The following CCSER1 variants were observed in gnomAD, a reference collection of about 807,000 sequenced individuals.
CCSER1 encodes serine-rich coiled-coil domain-containing protein 1.
Under a neutral mutation model 82.0 loss-of-function variants are expected in CCSER1, and 41 were observed. The observed-to-expected ratio is 0.50, with a 90% CI of 0.39 to 0.65. The LOEUF is 0.65. Among genes scored for constraint, CCSER1 ranks in the 30% least tolerant of loss-of-function variants. The pLI is 0.00. For synonymous variants in CCSER1, 414 were observed against 383.9 expected (o/e 1.08, Z -0.92); for missense variants, 1,119 against 1,064.2 (o/e 1.05, Z -0.72).
At chr4:91,105,987 G>A (rs1399748158) in intron 10 of CCSER1, among the ~76,000 whole-genome samples, 5 of 151,980 alleles carry the variant, frequency 3.3e-5, no homozygotes, top group Non-Finnish European at 7.4e-5. Context: ...TTTTTAAAAT[G>A]TGGTAAATGC....
intron 5 of CCSER1, among the ~76,000 whole-genome samples, chr4:90,483,659 T>C (rs146259008): frequency 6.6e-6 from 1 of 152,222 alleles, no homozygotes; most frequent in Non-Finnish European, 1.5e-5. Context: ...TATGAAATTC[T>C]GAGTTGAAAA....
At chr4:91,274,450 C>A (rs1218238357) in intron 10 of CCSER1, among the ~76,000 whole-genome samples, 1 of 152,130 alleles carries the variant, frequency 6.6e-6, no homozygotes, top group Non-Finnish European at 1.5e-5. Context: ...TATGTTTATA[C>A]CCATTAACCA....
chr4:90,447,353 G>T (rs1164104920), intron 4 of CCSER1, among the ~76,000 whole-genome samples: 1 of 151,290 alleles, frequency 6.6e-6, no homozygotes, highest in Non-Finnish European at 1.5e-5. Flanking sequence ...AAAAAAAAAA[G>T]AATGAAATTT....
At chr4:90,139,503 T>A (rs1724329881) in intron 1 of CCSER1, among the ~76,000 whole-genome samples, 1 of 152,336 alleles carries the variant, frequency 6.6e-6, no homozygotes, top group South Asian at 2.1e-4. Context: ...TCCTGTTTTA[T>A]TTTATTTTAT....
rs145453120 is a variant in CCSER1, at chr4:90,615,333, CGTT to C, written c.1725-12689_1725-12687del. Among the ~76,000 whole-genome samples the C allele has an allele frequency of 2.5e-3, 376 of 152,202 alleles. 12 individuals carry two copies. In the East Asian group the frequency reaches 0.057, roughly 23 times the overall value. ...CAAGTCTTCATATTTAAGAAATACA[CGTT>C]GTAAGGCTAGAGTTGCCAGAGAGAG... is the stretch of plus-strand genomic sequence containing the variant. On this transcript the variant is annotated intron_variant, in intron 5 of 10. Transcript: ENST00000509176.
In CCSER1 at chr4:90,127,692, C is replaced by G. The variant is rs1160116375; in HGVS notation, c.-181C>G. ...AATAACGCAGCTGGACTCTGTGCAACTGGGAGTGGAGAGGAGCCCAACAGC... is the reference window on the plus strand; with the variant it reads ...AATAACGCAGCTGGACTCTGTGCAAGTGGGAGTGGAGAGGAGCCCAACAGC... On this transcript the variant is annotated 5_prime_UTR_variant, in exon 1 of 11. Coordinates refer to ENST00000509176, the MANE Select transcript of CCSER1 (RefSeq NM_001145065.2). 1 of 153,114 alleles carries G rather than the reference C, an allele frequency of 6.5e-6. No homozygotes were observed. The highest frequency in any genetic ancestry group is 1.5e-5 in the Non-Finnish European group (1 of 68,796). The allele number at this position is 153,114 out of a possible 1,614,324, so 9.5% of individuals were successfully genotyped here. A position where few individuals can be genotyped will look rare whatever the true frequency, so the allele number is the denominator to read the frequency against.
chr4:90,635,231 A>T (rs1486740826), intron 6 of CCSER1, among the ~76,000 whole-genome samples: 3 of 151,784 alleles, frequency 2.0e-5, no homozygotes, highest in African/African-American at 7.2e-5. Context: ...ATTGACATTT[A>T]TAGAATACTA....
chr4:90,561,602 A>T (rs1280683276), intron 5 of CCSER1, among the ~76,000 whole-genome samples: 21 of 152,116 alleles, frequency 1.4e-4, no homozygotes, highest in Admixed American at 1.2e-3. Context: ...TTTTTCTCCC[A>T]TGCGGCTTAT....
intron 10 of CCSER1, among the ~76,000 whole-genome samples, chr4:91,515,575 A>G (rs779999874): frequency 2.0e-5 from 3 of 152,106 alleles, no homozygotes; most frequent in Non-Finnish European, 2.9e-5. Context: ...TGGTGTATAT[A>G]TACCACATTT....
intron 9 of CCSER1, among the ~76,000 whole-genome samples, chr4:90,967,462 A>G (rs1393968394): frequency 6.6e-6 from 1 of 151,932 alleles, no homozygotes; most frequent in Non-Finnish European, 1.5e-5. Flanking sequence ...GAAAAAAAAA[A>G]GTATTTTCAA....
chr4:90,852,242 A>G (rs1763973980), intron 8 of CCSER1, among the ~76,000 whole-genome samples: 2 of 152,354 alleles, frequency 1.3e-5, no homozygotes, highest in African/African-American at 2.4e-5. Flanking sequence ...TGAATAGCGT[A>G]TAATTATGGC....
intron 8 of CCSER1, among the ~76,000 whole-genome samples, chr4:90,845,377 A>C (rs1334034712): frequency 6.6e-6 from 1 of 151,824 alleles, no homozygotes; most frequent in African/African-American, 2.4e-5. Flanking sequence ...AAAAAAAAAA[A>C]AAAGAATATT....
At chr4:91,297,399 G>A (rs903205753) in intron 10 of CCSER1, among the ~76,000 whole-genome samples, 7 of 150,638 alleles carry the variant, frequency 4.6e-5, no homozygotes, top group African/African-American at 1.7e-4. Context: ...GTGTGTGTGT[G>A]TGTGTGTGTG....
chr4:91,520,381 G>T (rs1167633072), intron 10 of CCSER1, among the ~76,000 whole-genome samples: 1 of 150,168 alleles, frequency 6.7e-6, no homozygotes, highest in Admixed American at 6.6e-5. Context: ...CAGGGCAACT[G>T]GCCTGAGACA....
intron 10 of CCSER1, among the ~76,000 whole-genome samples, chr4:91,377,207 C>A (rs991271532): frequency 1.3e-5 from 2 of 152,170 alleles, no homozygotes; most frequent in African/African-American, 4.8e-5. Context: ...CCGCAATAAA[C>A]ATACATGTGC....
chr4:90,842,719 G>T (rs969479316), intron 8 of CCSER1, among the ~76,000 whole-genome samples: 2 of 152,196 alleles, frequency 1.3e-5, no homozygotes, highest in African/African-American at 4.8e-5. Flanking sequence ...GAAGGATGCA[G>T]TTCACTGGTA....
At chr4:91,005,950 A>G (rs1029703589) in intron 9 of CCSER1, among the ~76,000 whole-genome samples, 1 of 152,218 alleles carries the variant, frequency 6.6e-6, no homozygotes, top group Non-Finnish European at 1.5e-5. Context: ...TTATGCCAGT[A>G]TCATGTTGTT....
At chr4:90,138,554 G>A (rs1724133582) in intron 1 of CCSER1, among the ~76,000 whole-genome samples, 1 of 152,200 alleles carries the variant, frequency 6.6e-6, no homozygotes, top group Non-Finnish European at 1.5e-5. Flanking sequence ...AGGAATGGTG[G>A]CAGCTAAACT....
intron 9 of CCSER1, among the ~76,000 whole-genome samples, chr4:91,079,653 T>C (rs1233110848): frequency 1.3e-5 from 2 of 152,134 alleles, no homozygotes; most frequent in Non-Finnish European, 2.9e-5. Flanking sequence ...GACCCATCAG[T>C]GTGCTGAATT....
Sources: allele counts gnomAD v4.1 joint callset (sites outside exome capture counted in the v4.1 genomes callset), GRCh38; gene constraint gnomAD v4.1.1; transcripts MANE v1.5; gene names NCBI Gene and HGNC (gene_info 2026-07-23, HGNC 2026-07-21).